The following MAST4 variants were observed in gnomAD, a reference collection of about 807,000 sequenced individuals.
MAST4 encodes the protein microtubule associated serine/threonine kinase family member 4, also known as microtubule-associated serine/threonine-protein kinase 4.
In MAST4, 89 loss-of-function variants were observed where a neutral mutation model predicts 162.7. The observed-to-expected ratio is 0.55, with a 90% CI of 0.46 to 0.65. MAST4 has a LOEUF of 0.65. Ranked by LOEUF, MAST4 falls within the 30% of genes least tolerant of loss-of-function variation. The pLI is 0.00. For synonymous variants in MAST4, 1,479 were observed against 1,361.1 expected, an observed-to-expected ratio of 1.09 and a Z score of -1.91; for missense variants, 3,153 against 3,374.0, an observed-to-expected ratio of 0.93 and a Z score of 1.62.
rs182391108 is a variant in MAST4, at chr5:66,655,396, G to A, written c.363+58378G>A. ...ACCAGAACCCAGATTTTTGGTTCCT[G>A]GTCAGTAATAAAAGATGACAAAGAG... is the stretch of plus-strand genomic sequence containing the variant. On this transcript the variant is annotated intron_variant, in intron 1 of 28. Coordinates refer to ENST00000403625, the MANE Select transcript of MAST4 (RefSeq NM_001164664.2). Among the ~76,000 whole-genome samples, 277 of 152,236 alleles carry A rather than the reference G, an allele frequency of 1.8e-3. 2 individuals are homozygous for A. The highest frequency in any genetic ancestry group is 5.8e-3 in the Admixed American group (89 of 15,288).
intron 3 of MAST4, among the ~76,000 whole-genome samples, chr5:66,869,623 T>C (rs1207386805): frequency 6.6e-6 from 1 of 152,214 alleles, no homozygotes; most frequent in Non-Finnish European, 1.5e-5. Flanking sequence ...TATGGGCAAC[T>C]CAAGTGGGTG....
chr5:66,641,091 C>T (rs1362240273), intron 1 of MAST4, among the ~76,000 whole-genome samples: 2 of 152,124 alleles, frequency 1.3e-5, no homozygotes, highest in African/African-American at 4.8e-5. Flanking sequence ...CTGAGTTTTT[C>T]ATATATTCAG....
At chr5:66,971,373 C>T (rs1314484354) in intron 4 of MAST4, among the ~76,000 whole-genome samples, 1 of 152,238 alleles carries the variant, frequency 6.6e-6, no homozygotes, top group Non-Finnish European at 1.5e-5. Context: ...CTTGTTCCCT[C>T]AGCCTGGGCC....
rs1561631181 is a variant in MAST4, at chr5:67,084,478, C to T, written c.764-5684C>T. On this transcript the variant is annotated intron_variant, in intron 5 of 28. Coordinates refer to ENST00000403625, the MANE Select transcript of MAST4 (RefSeq NM_001164664.2). ...ATCTGTTCTAGCAGATAGCTCAAAG[C>T]CCTGTGCATAACAAGAACTTAATAA... is the stretch of plus-strand genomic sequence containing the variant. Among the ~76,000 whole-genome samples the T allele has an allele frequency of 2.0e-5, 3 of 152,106 alleles. No individual in the cohort carries two copies. In the South Asian group the frequency reaches 6.2e-4, roughly 32 times the overall value.
At chr5:66,761,223 A>G (rs1356565435) in intron 2 of MAST4, among the ~76,000 whole-genome samples, 2 of 152,242 alleles carry the variant, frequency 1.3e-5, no homozygotes, top group Non-Finnish European at 2.9e-5. Flanking sequence ...CTCGTGAAGT[A>G]TTGGTTCAAT....
intron 1 of MAST4, among the ~76,000 whole-genome samples, chr5:66,614,063 A>G (rs1045259537): frequency 2.6e-5 from 4 of 152,202 alleles, no homozygotes; most frequent in African/African-American, 9.7e-5. Flanking sequence ...AGAAGGTGCT[A>G]GGTATAAATG....
intron 7 of MAST4, 138 bp downstream of exon 7, chr5:67,095,813 C>T: frequency 3.6e-6 from 2 of 548,898 alleles, no homozygotes; most frequent in South Asian, 5.1e-5. Flanking sequence ...ATAAGTGACA[C>T]ATCAAATGAT....
chr5:66,892,017 C>G (rs540217111), intron 3 of MAST4, among the ~76,000 whole-genome samples: 1 of 152,326 alleles, frequency 6.6e-6, no homozygotes, highest in Admixed American at 6.5e-5. Flanking sequence ...AATGCTACTT[C>G]TTTCTCGTTA....
intron 1 of MAST4, among the ~76,000 whole-genome samples, chr5:66,672,577 A>T (rs1747676779): frequency 6.6e-6 from 1 of 152,238 alleles, no homozygotes. Context: ...TAAATTACAC[A>T]TTATGTAAAT....
intron 4 of MAST4, among the ~76,000 whole-genome samples, chr5:67,015,017 C>T (rs1260324317): frequency 2.6e-5 from 4 of 152,086 alleles, no homozygotes; most frequent in Admixed American, 6.6e-5. Context: ...TGCCATTTCT[C>T]GGATATAGAG....
chr5:67,153,590 G>A lies in MAST4; in HGVS notation c.3648+10G>A, dbSNP rs1561179448. 4 of 1,565,950 alleles carry A rather than the reference G, an allele frequency of 2.6e-6. No homozygotes were observed. Among genetic ancestry groups the A allele is most frequent in the East Asian group, 2.4e-5 (1 of 42,516 alleles). On this transcript the variant is annotated intron_variant, in intron 26 of 28. Transcript: ENST00000403625. Reference sequence around the variant, plus strand: ...AGAACTCCTACTGAAGGTATTGTATGTTTTATGTCAGGGCCATGCTGATGA... The same window carrying A: ...AGAACTCCTACTGAAGGTATTGTATATTTTATGTCAGGGCCATGCTGATGA...
At chr5:66,846,093 A>C (rs1413302498) in intron 3 of MAST4, among the ~76,000 whole-genome samples, 2 of 152,134 alleles carry the variant, frequency 1.3e-5, no homozygotes, top group African/African-American at 4.8e-5. Flanking sequence ...CCTTTAGTGA[A>C]TTCATAGAAT....
chr5:66,867,038 A>G (rs25843), intron 3 of MAST4, among the ~76,000 whole-genome samples: 128,846 of 152,220 alleles, frequency 0.85, 55,164 homozygotes, highest in Non-Finnish European at 0.92. Flanking sequence ...TAGGGTTACA[A>G]GCGTGAGCCA....
intron 4 of MAST4, among the ~76,000 whole-genome samples, chr5:66,922,810 G>A (rs1011848238): frequency 2.6e-5 from 4 of 152,172 alleles, no homozygotes; most frequent in Admixed American, 6.5e-5. Flanking sequence ...CCATCCTGAG[G>A]TGTGGAACAT....
chr5:66,730,467 G>A (rs879044013), intron 1 of MAST4, among the ~76,000 whole-genome samples: 21 of 152,132 alleles, frequency 1.4e-4, no homozygotes, highest in Middle Eastern at 6.8e-3. Context: ...TAGGTTGTTC[G>A]CATTGTGTAA....
intron 4 of MAST4, among the ~76,000 whole-genome samples, chr5:66,980,264 C>T (rs184724374): frequency 2.7e-4 from 41 of 152,280 alleles, no homozygotes; most frequent in Admixed American, 7.9e-4. Context: ...TGCATGACAA[C>T]GCCTCACACT....
At chr5:66,673,530 GTTTTTT>G (rs11376867) in intron 1 of MAST4, among the ~76,000 whole-genome samples, 3 of 106,548 alleles carry the variant, frequency 2.8e-5, no homozygotes, top group South Asian at 2.7e-4. Flanking sequence ...TTTGTTTTTT[GTTTTTT>G]TTTTTTTTGA....
chr5:67,147,470 T>C (rs575243629), intron 23 of MAST4, among the ~76,000 whole-genome samples: 1 of 152,362 alleles, frequency 6.6e-6, no homozygotes, highest in African/African-American at 2.4e-5. Context: ...CAAGGTTGTA[T>C]ATCCACACTC....
At chr5:67,030,694 A>G (rs1341082339) in intron 4 of MAST4, among the ~76,000 whole-genome samples, 2 of 152,114 alleles carry the variant, frequency 1.3e-5, no homozygotes, top group Non-Finnish European at 2.9e-5. Context: ...AACCATACAA[A>G]CATTGTATAT....
Sources: gnomAD v4.1 joint callset for allele counts (sites outside exome capture counted in the v4.1 genomes callset) on GRCh38, gnomAD v4.1.1 for gene constraint, MANE v1.5 for transcripts, NCBI Gene and HGNC (gene_info 2026-07-23, HGNC 2026-07-21) for gene names.